Variants in ADD2 observed in about 807,000 individuals in gnomAD.
The protein encoded by ADD2 is beta-adducin.
Under a neutral mutation model 83.0 loss-of-function variants are expected in ADD2, and 23 were observed. That is an observed-to-expected ratio of 0.28 (90% CI 0.20 to 0.39). ADD2 has a LOEUF of 0.39. Among genes scored for constraint, ADD2 ranks in the 10% least tolerant of loss-of-function variants. ADD2 has a pLI of 1.00. For missense variants in ADD2, 758 were observed against 944.9 expected, an observed-to-expected ratio of 0.80 and a Z score of 2.59; for synonymous variants, 375 against 375.4, an observed-to-expected ratio of 1.00 and a Z score of 0.01.
At chr2:70,689,455 T>C (rs530336657) in intron 8 of ADD2, among the ~76,000 whole-genome samples, 2 of 152,338 alleles carry the variant, frequency 1.3e-5, no homozygotes, top group South Asian at 4.1e-4. Flanking sequence ...TGGTATTTTT[T>C]CCTCTCAAGT....
chr2:70,712,986 C>A (rs1249966854), intron 2 of ADD2, 80 bp downstream of exon 2: 4 of 508,152 alleles, frequency 7.9e-6, no homozygotes, highest in Non-Finnish European at 1.0e-5. Flanking sequence ...TGCAAAGGGC[C>A]TTGTCTGTAC....
At chr2:70,665,878 G>C (rs111495811) in intron 15 of ADD2, among the ~76,000 whole-genome samples, 2,904 of 151,092 alleles carry the variant, frequency 0.019, 63 homozygotes, top group Admixed American at 0.056. Context: ...TGCAATGGTG[G>C]AATCTCGGCT....
chr2:70,749,245 A>G (rs1674387778), intron 1 of ADD2, among the ~76,000 whole-genome samples: 1 of 152,138 alleles, frequency 6.6e-6, no homozygotes, highest in African/African-American at 2.4e-5. Flanking sequence ...CATGGGGGAA[A>G]CCACCTCCAT....
At chr2:70,727,540 C>T (rs1210445087) in intron 1 of ADD2, among the ~76,000 whole-genome samples, 1 of 152,044 alleles carries the variant, frequency 6.6e-6, no homozygotes, top group Non-Finnish European at 1.5e-5. Flanking sequence ...TCCCTCAGAC[C>T]CTTTTCTTCC....
intron 12 of ADD2, 132 bp from the exon 13 acceptor site, chr2:70,677,017 T>A: frequency 7.1e-7 from 1 of 1,406,258 alleles, no homozygotes; most frequent in South Asian, 1.6e-5. Flanking sequence ...CCTATCCTAA[T>A]GCAATCCTTG....
At chr2:70,765,232 A>G (rs1274461774) in intron 1 of ADD2, among the ~76,000 whole-genome samples, 2 of 152,172 alleles carry the variant, frequency 1.3e-5, no homozygotes, top group Admixed American at 6.5e-5. Flanking sequence ...ACGCACCTGT[A>G]GTCCCAGCTA....
rs181442135 is a variant in ADD2, at chr2:70,704,125, C to T, written c.322+196G>A. The stretch of plus-strand genomic sequence containing the variant: ...GGCATTGGGGTAATTTTTCTGTGGA[C>T]GTTTAATTTGCAGCAACATCAGAAG... On this transcript the variant is annotated intron_variant, in intron 4 of 15. Transcript: ENST00000264436. Among the ~76,000 whole-genome samples, 101 of 152,202 alleles carry T rather than the reference C, an allele frequency of 6.6e-4. 1 individual carries two copies. The highest frequency in any genetic ancestry group is 6.6e-3 in the East Asian group (34 of 5,176).
rs1379212710 is a variant in ADD2 at position 70,663,143 on chromosome 2, C to T, written c.*282G>A. 2.4e-5 allele frequency: 9 copies of T among 370,446 alleles called. No homozygotes were observed. The highest frequency in any genetic ancestry group is 4.3e-5 in the Admixed American group (1 of 23,186). The allele number at this position is 370,446 out of a possible 1,614,324, so 22.9% of individuals were successfully genotyped here. A position where few individuals can be genotyped will look rare whatever the true frequency, so the allele number is the denominator to read the frequency against. ...CAAACAAAGGCAGCCCACAACTAGGCAGTGTTGTGTAGTAGAAGGAGCACT... is the reference window on the plus strand; with the variant it reads ...CAAACAAAGGCAGCCCACAACTAGGTAGTGTTGTGTAGTAGAAGGAGCACT... On this transcript the variant is annotated 3_prime_UTR_variant, in exon 16 of 16. Transcript: ENST00000264436.
Position 70,768,023 on chromosome 2 carries a change from C to A in ADD2, c.-291G>T. 6.7e-7 allele frequency: 1 copy of A among 1,502,234 alleles called. No homozygotes were observed. The highest frequency in any genetic ancestry group is 8.9e-7 in the Non-Finnish European group (1 of 1,123,760). 93.1% of individuals were successfully genotyped at this position (1,502,234 alleles called of 1,614,324 possible). Reference sequence around the variant, plus strand: ...GCAGCGTTTTCTGCCCATGCTGCAGCCCGCGCTCGTCAGAGCTGCTGGGAG... The same window carrying A: ...GCAGCGTTTTCTGCCCATGCTGCAGACCGCGCTCGTCAGAGCTGCTGGGAG... On this transcript the variant is annotated 5_prime_UTR_variant, in exon 1 of 16. Coordinates refer to ENST00000264436, the MANE Select transcript of ADD2 (RefSeq NM_001617.4).
At chr2:70,674,316 G>A (rs960232967) in intron 14 of ADD2, among the ~76,000 whole-genome samples, 5 of 152,158 alleles carry the variant, frequency 3.3e-5, no homozygotes, top group Non-Finnish European at 7.3e-5. Context: ...GCTGGTGGAG[G>A]GTTTTGATTG....
Position 70,676,814 on chromosome 2 carries a change from G to A in ADD2, c.1575C>T (p.Ala525=), listed in dbSNP as rs201133279. Residue 525 remains alanine (A), a synonymous_variant, in exon 13 of 16, where the codon GCC becomes GCT. Coordinates refer to ENST00000264436, the MANE Select transcript of ADD2 (RefSeq NM_001617.4). This position sits in a 1 kb window ranked among gnomAD's most constrained non-coding sequence, Gnocchi z 4.8. Reference sequence around the variant, plus strand: ...GCTCTACCGGGCTTCGGCTCTTCTCGGCAATGACGCTCGCCAGGAGCTGGG... The same window carrying A: ...GCTCTACCGGGCTTCGGCTCTTCTCAGCAATGACGCTCGCCAGGAGCTGGG... ...PQSQLLASVI[A]EKSRSPSTES... The A allele has an allele frequency of 8.1e-6, 13 of 1,614,068 alleles. No homozygotes were observed. The highest frequency in any genetic ancestry group is 4.4e-5 in the South Asian group (4 of 91,082).
At chr2:70,680,261 C>T (rs1429765637) in intron 10 of ADD2, among the ~76,000 whole-genome samples, 1 of 152,146 alleles carries the variant, frequency 6.6e-6, no homozygotes, top group Non-Finnish European at 1.5e-5. Flanking sequence ...CCTTAGCTTT[C>T]CTTCCCAGAT....
At chr2:70,690,654 G>T in intron 8 of ADD2, 132 bp downstream of exon 8, 2 of 1,057,604 alleles carry the variant, frequency 1.9e-6, no homozygotes, top group Non-Finnish European at 2.6e-6. Flanking sequence ...TCTCAGGGTA[G>T]TGGGATAGAG....
intron 11 of ADD2, 37 bp downstream of exon 11, chr2:70,678,667 C>T (rs565816708): frequency 1.3e-6 from 2 of 1,512,218 alleles, no homozygotes; most frequent in East Asian, 2.3e-5. Context: ...TGCAGCCTGC[C>T]CCTCTCTGCC....
At chr2:70,731,460 T>C (rs1673278008) in intron 1 of ADD2, among the ~76,000 whole-genome samples, 1 of 152,148 alleles carries the variant, frequency 6.6e-6, no homozygotes, top group South Asian at 2.1e-4. Context: ...ATCCTAAAAA[T>C]AGCAAAGAAC....
At chr2:70,734,520 G>T (rs1472780142) in intron 1 of ADD2, among the ~76,000 whole-genome samples, 1 of 152,178 alleles carries the variant, frequency 6.6e-6, no homozygotes, top group Non-Finnish European at 1.5e-5. Context: ...GGAGTTAGGG[G>T]TAGCACATTG....
At chr2:70,691,517 C>G (rs1250432824) in intron 7 of ADD2, 1 of 152,102 alleles carries the variant, frequency 6.6e-6, no homozygotes, top group Non-Finnish European at 1.5e-5. Context: ...TGCTGGGGAC[C>G]AGGGTTGAAA....
rs1553368897 is a variant in ADD2, at chr2:70,678,721, G to T, written c.1366C>A (p.Pro456Thr). 1.7e-5 allele frequency: 27 copies of T among 1,574,866 alleles called. No individual in the cohort carries two copies. Among genetic ancestry groups the T allele is most frequent in the Non-Finnish European group, 2.3e-5 (27 of 1,158,328 alleles). ...CCCCTTACCGTGGTCTTGGGTCGGG[G>T]GCTGCCCATGCTCCTCTGGACCTCA... ...ADEVQRSMGSPRPKTTWMKAD... is the reference protein window; with the variant it reads ...ADEVQRSMGSTRPKTTWMKAD... Residue 456 changes from proline to threonine, a missense_variant, in exon 11 of 16, where the codon CCC becomes ACC. By Grantham distance (38) the Pro-to-Thr change is conservative. This residue lies in a region of ADD2 where 394 missense variants were observed against 509.3 expected (regional missense o/e 0.77). Coordinates refer to ENST00000264436, the MANE Select transcript of ADD2 (RefSeq NM_001617.4).
intron 8 of ADD2, 127 bp downstream of exon 8, chr2:70,690,659 A>G (rs1670978253): frequency 9.0e-7 from 1 of 1,113,824 alleles, no homozygotes; most frequent in Admixed American, 2.9e-5. Context: ...GGGTAGTGGG[A>G]TAGAGATCTT....
Sources: gnomAD v4.1 joint callset for allele counts (sites outside exome capture counted in the v4.1 genomes callset) on GRCh38, gnomAD v4.1.1 for gene constraint, gnomAD v4.1.1 regional missense constraint, Gnocchi (gnomAD v3.1) non-coding constraint, MANE v1.5 for transcripts, NCBI Gene and HGNC (gene_info 2026-07-23, HGNC 2026-07-21) for gene names.